The following CACNB2 variants were observed in gnomAD, a reference collection of about 807,000 sequenced individuals.
CACNB2 encodes voltage-dependent L-type calcium channel subunit beta-2.
CACNB2 carries 42 observed loss-of-function variants against 73.3 expected under a neutral mutation model. The observed-to-expected ratio is 0.57, with a 90% CI of 0.45 to 0.74. CACNB2 has a LOEUF of 0.74. CACNB2 is among the 30% of genes least tolerant of loss of function. CACNB2 has a pLI of 0.00. For synonymous variants in CACNB2, 348 were observed against 310.3 expected (o/e 1.12, Z -1.28); for missense variants, 940 against 853.0 (o/e 1.10, Z -1.27).
At position 18,150,866 on chromosome 10, in the gene CACNB2, T is replaced by TG; in HGVS notation, c.121-17_121-16insG. 1.8e-6 allele frequency: 2 copies of TG among 1,098,308 alleles called. No homozygotes were observed. The highest frequency in any genetic ancestry group is 2.8e-5 in the East Asian group (1 of 35,598). The allele number at this position is 1,098,308 out of a possible 1,614,324, so 68.0% of individuals were successfully genotyped here. A position where few individuals can be genotyped will look rare whatever the true frequency, so the allele number is the denominator to read the frequency against. On this transcript the variant is annotated splice_polypyrimidine_tract_variant and intron_variant, in intron 1 of 13. Coordinates refer to ENST00000324631, the MANE Select transcript of CACNB2 (RefSeq NM_201596.3). Reference sequence around the variant, plus strand: ...ATAATCTTATTTGTCTTTTTTTTTTTTTTTTTTTTTTTTTAGTCATATGGA... The same window carrying TG: ...ATAATCTTATTTGTCTTTTTTTTTTTGTTTTTTTTTTTTTTAGTCATATGGA...
intron 2 of CACNB2, among the ~76,000 whole-genome samples, chr10:18,228,271 A>T (rs1342932257): frequency 6.6e-6 from 1 of 151,992 alleles, no homozygotes; most frequent in Non-Finnish European, 1.5e-5. Flanking sequence ...TAAAAAAAAT[A>T]AATTCAAAGT....
At chr10:18,370,925 C>T (rs1313694883) in intron 2 of CACNB2, among the ~76,000 whole-genome samples, 1 of 152,118 alleles carries the variant, frequency 6.6e-6, no homozygotes, top group African/African-American at 2.4e-5. Flanking sequence ...GTATATGTCA[C>T]ATGGTGAACA....
chr10:18,533,969 A>AT, intron 10 of CACNB2, 107 bp from the exon 11 acceptor site: 1 of 1,011,560 alleles, frequency 9.9e-7, no homozygotes, highest in South Asian at 1.3e-5. Context: ...GCCTGTAAGC[A>AT]TTAACATAAT....
At chr10:18,518,990 G>A (rs770775790) in intron 9 of CACNB2, 22 bp downstream of exon 9, 3 of 1,611,334 alleles carry the variant, frequency 1.9e-6, no homozygotes, top group South Asian at 1.1e-5. Flanking sequence ...AGCATACTGG[G>A]TTTTGTGGAT....
At position 18,289,727 on chromosome 10, in the gene CACNB2, G is replaced by A. The variant is rs1009232208; in HGVS notation, c.214-112197G>A. Among the ~76,000 whole-genome samples, 33 of 152,084 alleles carry A rather than the reference G, an allele frequency of 2.2e-4. 1 individual carries two copies. The highest frequency in any genetic ancestry group is 1.0e-3 in the Admixed American group (16 of 15,262). The stretch of plus-strand genomic sequence containing the variant: ...TGGCACAGAGTTATCAGTGGCTTAA[G>A]CCCCTGCTGATAGCACTGATATTTA... On this transcript the variant is annotated intron_variant, in intron 2 of 13. Coordinates refer to ENST00000324631, the MANE Select transcript of CACNB2 (RefSeq NM_201596.3).
chr10:18,193,394 G>T (rs1032387788), intron 2 of CACNB2, among the ~76,000 whole-genome samples: 1 of 152,028 alleles, frequency 6.6e-6, no homozygotes, highest in Non-Finnish European at 1.5e-5. Flanking sequence ...GCCATCCTGT[G>T]GGTGTGAAGT....
At chr10:18,436,383 C>G (rs903442409) in intron 3 of CACNB2, among the ~76,000 whole-genome samples, 1 of 152,170 alleles carries the variant, frequency 6.6e-6, no homozygotes, top group Non-Finnish European at 1.5e-5. Flanking sequence ...TCATGGAGAA[C>G]AAAGCAGAGA....
rs1298402945 is a variant in CACNB2, at chr10:18,541,204, G to A, written c.*1480G>A. On this transcript the variant is annotated 3_prime_UTR_variant, in exon 14 of 14. Transcript: ENST00000324631. The stretch of plus-strand genomic sequence containing the variant: ...CACCACCGACTCCAGCAGGTTCACT[G>A]TCTGTCAGAACCCAGAAGTGCTTCT... 1.3e-5 allele frequency: 2 copies of A among 152,688 alleles called. No individual in the cohort carries two copies. Among genetic ancestry groups the A allele is most frequent in the African/African-American group, 4.8e-5 (2 of 41,428 alleles). The allele number at this position is 152,688 out of a possible 1,614,324, so 9.5% of individuals were successfully genotyped here. A position where few individuals can be genotyped will look rare whatever the true frequency, so the allele number is the denominator to read the frequency against.
chr10:18,442,944 GTA>G (rs1426367265), intron 3 of CACNB2, among the ~76,000 whole-genome samples: 721 of 19,616 alleles, frequency 0.037, 61 homozygotes, highest in Non-Finnish European at 0.04. Context: ...ATATATATGT[GTA>G]TATATATATA....
At chr10:18,258,156 G>A (rs2037363763) in intron 2 of CACNB2, among the ~76,000 whole-genome samples, 1 of 152,190 alleles carries the variant, frequency 6.6e-6, no homozygotes, top group African/African-American at 2.4e-5. Context: ...ATAAATGTTT[G>A]CCGAATCAAA....
In CACNB2 at chr10:18,140,693, G is replaced by A. The variant is rs774293640; in HGVS notation, c.-44G>A. 2 of 1,555,420 alleles carry A rather than the reference G, an allele frequency of 1.3e-6. No homozygotes were observed. Among genetic ancestry groups the A allele is most frequent in the Admixed American group, 1.8e-5 (1 of 54,382 alleles). On this transcript the variant is annotated 5_prime_UTR_variant, in exon 1 of 14. Coordinates refer to ENST00000324631, the MANE Select transcript of CACNB2 (RefSeq NM_201596.3). ...GGCGGGGGCGAGGAGGAGGGGACCC[G>A]CCGCCGGGGGCTGGCTGCTTCGCTC...
chr10:18,539,663 T>A lies in CACNB2; in HGVS notation c.1922T>A (p.Val641Glu). ...CGCTACTGTGAAAAGGATGGAGAAGTGATATCAAAAAAACGGAATGAGGCT... is the reference window on the plus strand; with the variant it reads ...CGCTACTGTGAAAAGGATGGAGAAGAGATATCAAAAAAACGGAATGAGGCT... ...KDRYCEKDGE[V>E]ISKKRNEAGE... The change falls in exon 14 of 14, where the codon GTG (valine) becomes GAG (glutamate). Residue 641 changes from valine to glutamate, a missense_variant. Val to Glu is a moderately radical substitution (Grantham distance 121). Coordinates refer to ENST00000324631, the MANE Select transcript of CACNB2 (RefSeq NM_201596.3). The A allele has an allele frequency of 1.9e-6, 3 of 1,611,612 alleles. No homozygotes were observed. The highest frequency in any genetic ancestry group is 2.5e-6 in the Non-Finnish European group (3 of 1,179,604).
At chr10:18,243,518 A>C (rs1265458079) in intron 2 of CACNB2, among the ~76,000 whole-genome samples, 2 of 152,140 alleles carry the variant, frequency 1.3e-5, no homozygotes, top group Non-Finnish European at 2.9e-5. Context: ...CTCATGTTGA[A>C]ATTTGATTCC....
chr10:18,527,489 A>G, intron 9 of CACNB2, 99 bp from the exon 10 acceptor site: 1 of 784,764 alleles, frequency 1.3e-6, no homozygotes, highest in East Asian at 2.4e-5. Context: ...TATGGTTGCT[A>G]TATATATTTC....
intron 2 of CACNB2, among the ~76,000 whole-genome samples, chr10:18,313,607 G>C (rs1166968423): frequency 2.0e-5 from 3 of 151,920 alleles, no homozygotes; most frequent in African/African-American, 7.3e-5. Flanking sequence ...TTCCTCCCCA[G>C]CTCGGGGTCT....
intron 3 of CACNB2, among the ~76,000 whole-genome samples, chr10:18,407,209 C>T (rs977685555): frequency 6.9e-6 from 1 of 145,146 alleles, no homozygotes; most frequent in African/African-American, 2.6e-5. Context: ...TGCAACTCCA[C>T]CTCCCGGGTT....
intron 3 of CACNB2, among the ~76,000 whole-genome samples, chr10:18,440,317 T>A (rs1314202786): frequency 1.3e-5 from 2 of 152,150 alleles, no homozygotes; most frequent in Admixed American, 1.3e-4. Flanking sequence ...GGGGAACATG[T>A]TCAGTCCATA....
At chr10:18,429,737 G>A (rs1028932198) in intron 3 of CACNB2, among the ~76,000 whole-genome samples, 2 of 146,902 alleles carry the variant, frequency 1.4e-5, no homozygotes, top group Admixed American at 1.4e-4. Context: ...CAGGAAGCTG[G>A]GGTGGGAGGA....
intron 10 of CACNB2, among the ~76,000 whole-genome samples, chr10:18,527,970 G>C (rs1436764967): frequency 1.3e-5 from 2 of 152,160 alleles, no homozygotes; most frequent in Non-Finnish European, 2.9e-5. Context: ...CAGACTCTAA[G>C]ATCTCCTGGC....
Sources: gnomAD v4.1 joint callset for allele counts (sites outside exome capture counted in the v4.1 genomes callset) on GRCh38, gnomAD v4.1.1 for gene constraint, MANE v1.5 for transcripts, NCBI Gene and HGNC (gene_info 2026-07-23, HGNC 2026-07-21) for gene names.